The following AGBL1 variants were observed in gnomAD, a reference collection of about 807,000 sequenced individuals.
The protein encoded by AGBL1 is cytosolic carboxypeptidase 4.
AGBL1 carries 130 observed loss-of-function variants against 118.9 expected under a neutral mutation model. That is an observed-to-expected ratio of 1.09 (90% CI 0.95 to 1.26). The LOEUF is 1.26. AGBL1 is among the 50% of genes most tolerant of loss of function. AGBL1 has a pLI of 0.00. For synonymous variants in AGBL1, 555 were observed against 478.9 expected (o/e 1.16, Z -2.08); for missense variants, 1,584 against 1,298.1 (o/e 1.22, Z -3.38).
intron 1 of AGBL1, among the ~76,000 whole-genome samples, chr15:86,119,669 G>T (rs1243666121): frequency 6.6e-6 from 1 of 151,868 alleles, no homozygotes; most frequent in Admixed American, 6.6e-5. Flanking sequence ...GTGTGTGTGT[G>T]TGTGTGTGTG....
At chr15:86,300,108 A>G (rs941877894) in intron 17 of AGBL1, among the ~76,000 whole-genome samples, 2 of 152,100 alleles carry the variant, frequency 1.3e-5, no homozygotes, top group African/African-American at 4.8e-5. Context: ...GATGGCATCC[A>G]TCAAACATAT....
chr15:86,709,022 G>T (rs945964860), intron 22 of AGBL1, among the ~76,000 whole-genome samples: 1 of 152,066 alleles, frequency 6.6e-6, no homozygotes, highest in South Asian at 2.1e-4. Flanking sequence ...TAACTAAAAG[G>T]TATGACTATT....
At chr15:86,815,361 C>A (rs568944113) in intron 22 of AGBL1, among the ~76,000 whole-genome samples, 12 of 152,122 alleles carry the variant, frequency 7.9e-5, no homozygotes, top group Admixed American at 3.9e-4. Flanking sequence ...GGGTCCACCA[C>A]CAATTTCTAG....
At chr15:86,460,318 CAAAAAAAA>C (rs1168019827) in intron 18 of AGBL1, among the ~76,000 whole-genome samples, 17 of 36,596 alleles carry the variant, frequency 4.6e-4, no homozygotes, top group East Asian at 4.1e-3. Flanking sequence ...CCTATCTCTA[CAAAAAAAA>C]AAAAAAAAAA....
chr15:86,540,930 TC>T (rs1343838264), intron 19 of AGBL1, among the ~76,000 whole-genome samples: 1 of 152,188 alleles, frequency 6.6e-6, no homozygotes, highest in African/African-American at 2.4e-5. Flanking sequence ...GTCGTTTACT[TC>T]CTTTTTCAGA....
intron 1 of AGBL1, among the ~76,000 whole-genome samples, chr15:86,095,659 T>TA (rs1896327686): frequency 6.8e-6 from 1 of 146,694 alleles, no homozygotes; most frequent in Non-Finnish European, 1.5e-5. Flanking sequence ...TTTTTTTTTT[T>TA]TTTTTTTTTT....
intron 22 of AGBL1, among the ~76,000 whole-genome samples, chr15:86,832,549 AG>A (rs1231712869): frequency 1.3e-5 from 2 of 152,210 alleles, no homozygotes; most frequent in African/African-American, 4.8e-5. Flanking sequence ...TTTCTAGGAC[AG>A]GGGCAAAATG....
intron 14 of AGBL1, among the ~76,000 whole-genome samples, chr15:86,270,851 T>C (rs143950260): frequency 1.3e-5 from 2 of 152,252 alleles, no homozygotes; most frequent in African/African-American, 4.8e-5. Context: ...CCAACATCAG[T>C]TTCTCTAGGC....
At chr15:87,031,422 C>A (rs890431984), downstream of AGBL1, among the ~76,000 whole-genome samples, 2 of 151,568 alleles carry the variant, frequency 1.3e-5, no homozygotes. Flanking sequence ...CACAGACCAG[C>A]CTTAAGTGCA....
At chr15:86,871,212 C>T (rs1408661841) in intron 22 of AGBL1, among the ~76,000 whole-genome samples, 2 of 152,148 alleles carry the variant, frequency 1.3e-5, no homozygotes, top group African/African-American at 2.4e-5. Context: ...GAAATTGTCT[C>T]CAGTATCCAT....
At chr15:86,844,905 T>C (rs2079298073) in intron 22 of AGBL1, among the ~76,000 whole-genome samples, 1 of 152,156 alleles carries the variant, frequency 6.6e-6, no homozygotes, top group Non-Finnish European at 1.5e-5. Context: ...TTTTTGTTTA[T>C]TTATTTTACA....
At chr15:86,473,391 C>T (rs564837706) in intron 18 of AGBL1, among the ~76,000 whole-genome samples, 3 of 152,186 alleles carry the variant, frequency 2.0e-5, no homozygotes, top group South Asian at 4.1e-4. Flanking sequence ...TATCTATTAG[C>T]TTTGATTTCC....
chr15:87,012,099 GAGA>G (rs2141782800), intron 24 of AGBL1, among the ~76,000 whole-genome samples: 1 of 152,110 alleles, frequency 6.6e-6, no homozygotes, highest in Non-Finnish European at 1.5e-5. Flanking sequence ...TATAAATGCT[GAGA>G]AGGAGAATAG....
At chr15:86,180,380 C>T in intron 5 of AGBL1, among the ~76,000 whole-genome samples, 1 of 151,906 alleles carries the variant, frequency 6.6e-6, no homozygotes, top group East Asian at 1.9e-4. Flanking sequence ...AAAAATAAAC[C>T]CATGCATGAA....
chr15:86,681,948 C>T lies in AGBL1; in HGVS notation c.3158+7512C>T, dbSNP rs931689782. ...AATGGTTTCCATAAAGATCCCATTA[C>T]AGTAAAGCGAAGGATGGAGTCTTAG... On this transcript the variant is annotated intron_variant, in intron 22 of 22. Coordinates refer to ENST00000614907, the MANE Select transcript of AGBL1 (RefSeq NM_001386094.1). Among the ~76,000 whole-genome samples the T allele has an allele frequency of 5.3e-5, 8 of 152,246 alleles. No individual in the cohort carries two copies. In the East Asian group the frequency reaches 9.7e-4, roughly 18 times the overall value.
chr15:86,754,683 T>C (rs1204641855), intron 22 of AGBL1, among the ~76,000 whole-genome samples: 1 of 152,068 alleles, frequency 6.6e-6, no homozygotes, highest in Non-Finnish European at 1.5e-5. Context: ...CATCTTCCAC[T>C]CCGGTGTTCA....
intron 22 of AGBL1, among the ~76,000 whole-genome samples, chr15:86,708,497 C>T (rs2086494094): frequency 6.6e-6 from 1 of 152,110 alleles, no homozygotes; most frequent in African/African-American, 2.4e-5. Context: ...AAACAAATTG[C>T]TATTGTTAAA....
chr15:86,532,388 G>A (rs1326532051), intron 19 of AGBL1, among the ~76,000 whole-genome samples: 1 of 145,380 alleles, frequency 6.9e-6, no homozygotes, highest in African/African-American at 2.6e-5. Context: ...AAATACCTAG[G>A]AATCCAACTT....
intron 17 of AGBL1, among the ~76,000 whole-genome samples, chr15:86,320,682 C>T (rs1392725734): frequency 2.0e-5 from 3 of 151,556 alleles, no homozygotes; most frequent in Non-Finnish European, 4.4e-5. Flanking sequence ...CTCTTAACGT[C>T]TTACTATTAA....
Sources: allele counts gnomAD v4.1 joint callset (sites outside exome capture counted in the v4.1 genomes callset), GRCh38; gene constraint gnomAD v4.1.1; transcripts MANE v1.5; gene names NCBI Gene and HGNC (gene_info 2026-07-23, HGNC 2026-07-21).